The following CSMD2 variants were observed in gnomAD, a reference collection of about 807,000 sequenced individuals.
The protein encoded by CSMD2 is CUB and sushi domain-containing protein 2.
CSMD2 carries 130 observed loss-of-function variants against 398.5 expected under a neutral mutation model. The ratio of observed to expected loss-of-function variants is 0.33; its 90% CI spans 0.28 to 0.38. The LOEUF (loss-of-function observed/expected upper bound fraction) is 0.38, where lower values mean the gene tolerates loss of function less well. Ranked by LOEUF, CSMD2 falls within the 10% of genes least tolerant of loss-of-function variation. The pLI is 1.00. For synonymous variants in CSMD2, 1,828 were observed against 1,908.5 expected, an observed-to-expected ratio of 0.96 and a Z score of 1.10; for missense variants, 3,829 against 4,764.9, an observed-to-expected ratio of 0.80 and a Z score of 5.78.
Position 33,724,281 on chromosome 1 carries a change from C to T in CSMD2, c.2917G>A (p.Gly973Arg). ...GGGAACCCTGGCGACAAGATGGTCCCACTGGAGCCTTGAATGAAGCCACCA... is the reference window on the plus strand; with the variant it reads ...GGGAACCCTGGCGACAAGATGGTCCTACTGGAGCCTTGAATGAAGCCACCA... ...LCGGFIQGSS[G>R]TILSPGFPDF... is the part of the protein sequence containing the mutation. The change falls in exon 19 of 71, where the codon GGG becomes AGG. Residue 973 changes from glycine to arginine, a missense_variant. Coordinates refer to ENST00000373381, the MANE Select transcript of CSMD2 (RefSeq NM_001281956.2). 6.2e-7 allele frequency: 1 copy of T among 1,614,058 alleles called. No homozygotes were observed. Among genetic ancestry groups the T allele is most frequent in the Non-Finnish European group, 8.5e-7 (1 of 1,179,966 alleles).
chr1:33,521,681 G>T, intron 67 of CSMD2, 131 bp from the exon 68 acceptor site: 1 of 694,784 alleles, frequency 1.4e-6, no homozygotes, highest in Non-Finnish European at 2.6e-6. Context: ...TTTGTTCTCT[G>T]CCCACACCTA....
intron 2 of CSMD2, among the ~76,000 whole-genome samples, chr1:34,059,086 A>G (rs1419106966): frequency 6.6e-6 from 1 of 152,196 alleles, no homozygotes; most frequent in Non-Finnish European, 1.5e-5. Context: ...GACACAAGTA[A>G]GTGAGCAATG....
At chr1:33,966,407 T>G (rs1280168394) in intron 3 of CSMD2, among the ~76,000 whole-genome samples, 1 of 152,220 alleles carries the variant, frequency 6.6e-6, no homozygotes, top group Non-Finnish European at 1.5e-5. Flanking sequence ...GGGAATCACA[T>G]GTGCCAGGAG....
chr1:33,655,357 T>C (rs1643916356), intron 27 of CSMD2, among the ~76,000 whole-genome samples: 1 of 152,252 alleles, frequency 6.6e-6, no homozygotes, highest in Non-Finnish European at 1.5e-5. Flanking sequence ...GCTTCTAACA[T>C]ACACAGTGCT....
chr1:34,113,088 C>T (rs1004032600), intron 1 of CSMD2: 3 of 152,178 alleles, frequency 2.0e-5, no homozygotes, highest in African/African-American at 7.2e-5. Context: ...AGCTTCAACC[C>T]CACCATTGTG....
chr1:33,983,074 G>A (rs1178951508), intron 3 of CSMD2, among the ~76,000 whole-genome samples: 1 of 152,168 alleles, frequency 6.6e-6, no homozygotes, highest in Non-Finnish European at 1.5e-5. Flanking sequence ...TACAGGAAGA[G>A]CCTGATTGCC....
intron 29 of CSMD2, among the ~76,000 whole-genome samples, chr1:33,639,070 A>T (rs12239160): frequency 0.087 from 13,317 of 152,246 alleles, 1,005 homozygotes; most frequent in East Asian, 0.21. Context: ...GCTGAGGGAA[A>T]TGCTTATTGG....
At chr1:33,686,115 T>A (rs2149080715) in intron 25 of CSMD2, among the ~76,000 whole-genome samples, 1 of 152,336 alleles carries the variant, frequency 6.6e-6, no homozygotes, top group Non-Finnish European at 1.5e-5. Context: ...GGGACAGTAA[T>A]AACTGATTCA....
intron 1 of CSMD2, among the ~76,000 whole-genome samples, chr1:34,102,188 G>A (rs1320254532): frequency 6.6e-6 from 1 of 151,936 alleles, no homozygotes; most frequent in South Asian, 2.1e-4. Flanking sequence ...CCGCCACCAC[G>A]CCCGGCTAAT....
intron 3 of CSMD2, among the ~76,000 whole-genome samples, chr1:34,024,308 T>C (rs1201737553): frequency 1.3e-5 from 2 of 152,244 alleles, no homozygotes; most frequent in East Asian, 3.9e-4. Context: ...GTACACTGTA[T>C]CTGCAAGCAG....
Position 33,516,319 on chromosome 1 carries a change from C to CACACA in CSMD2, c.*300_*304dup, listed in dbSNP as rs1298432951. On this transcript the variant is annotated 3_prime_UTR_variant, in exon 71 of 71. Transcript: ENST00000373381. ...GTGTTTGTGTGTGATCAGGCCCATA[C>CACACA]ACACACACACACACACAGATCCACA... 6.6e-6 allele frequency: 1 copy of CACACA among 150,456 alleles called. No homozygotes were observed. The highest frequency in any genetic ancestry group is 2.4e-5 in the African/African-American group (1 of 41,062). 9.3% of individuals were successfully genotyped at this position (150,456 alleles called of 1,614,324 possible). A position where few individuals can be genotyped will look rare whatever the true frequency, so the allele number is the denominator to read the frequency against.
intron 1 of CSMD2, among the ~76,000 whole-genome samples, chr1:34,104,949 C>T (rs1490652553): frequency 6.6e-6 from 1 of 152,218 alleles, no homozygotes; most frequent in Admixed American, 6.5e-5. Context: ...CGCCCTTCCA[C>T]TGCAACCTTC....
intron 48 of CSMD2, among the ~76,000 whole-genome samples, chr1:33,579,662 C>A (rs748815604): frequency 6.6e-6 from 1 of 151,666 alleles, no homozygotes; most frequent in Non-Finnish European, 1.5e-5. Context: ...TTCCTTCCAA[C>A]CAAGATTCTT....
At chr1:33,923,553 A>T (rs1644022357) in intron 4 of CSMD2, among the ~76,000 whole-genome samples, 2 of 152,202 alleles carry the variant, frequency 1.3e-5, no homozygotes, top group Admixed American at 1.3e-4. Flanking sequence ...AATACAAGAA[A>T]AGCCTAACAC....
intron 25 of CSMD2, among the ~76,000 whole-genome samples, chr1:33,668,203 G>A (rs1644377108): frequency 6.6e-6 from 1 of 152,214 alleles, no homozygotes; most frequent in Admixed American, 6.5e-5. Flanking sequence ...AGGAGAGGTA[G>A]GCAGGGGCAG....
chr1:33,960,413 T>A (rs558114612), intron 3 of CSMD2, among the ~76,000 whole-genome samples: 2 of 152,360 alleles, frequency 1.3e-5, no homozygotes, highest in Admixed American at 6.5e-5. Flanking sequence ...ACCACTGACT[T>A]GGAACCCTGA....
intron 14 of CSMD2, among the ~76,000 whole-genome samples, chr1:33,739,963 A>G (rs1647003306): frequency 6.6e-6 from 1 of 152,186 alleles, no homozygotes; most frequent in Non-Finnish European, 1.5e-5. Flanking sequence ...AGATTTAATC[A>G]TGCTTTGCCT....
intron 15 of CSMD2, among the ~76,000 whole-genome samples, chr1:33,727,925 T>C (rs901422129): frequency 6.6e-6 from 1 of 152,172 alleles, no homozygotes; most frequent in Non-Finnish European, 1.5e-5. Context: ...ACCACTGCCA[T>C]TGACTGGGGG....
chr1:33,572,864 CT>C (rs10712226), intron 49 of CSMD2, among the ~76,000 whole-genome samples, 173 bp from the exon 50 acceptor site: 76,028 of 149,802 alleles, frequency 0.51, 19,297 homozygotes, highest in Admixed American at 0.64. Flanking sequence ...GTTTTTTCTT[CT>C]TTTTTTTTTT....
Sources: gnomAD v4.1 joint callset for allele counts (sites outside exome capture counted in the v4.1 genomes callset) on GRCh38, gnomAD v4.1.1 for gene constraint, MANE v1.5 for transcripts, NCBI Gene and HGNC (gene_info 2026-07-23, HGNC 2026-07-21) for gene names.